PRDM16: variants seen among roughly 807,000 people sequenced by gnomAD.
PRDM16 encodes the protein PR/SET domain 16, also known as histone-lysine N-methyltransferase PRDM16.
Under a neutral mutation model 110.6 loss-of-function variants are expected in PRDM16, and 23 were observed. That is an observed-to-expected ratio of 0.21 (90% CI 0.15 to 0.29). The LOEUF (loss-of-function observed/expected upper bound fraction) is 0.29, where lower values mean the gene tolerates loss of function less well. PRDM16 is among the 10% of genes least tolerant of loss of function. PRDM16 has a pLI of 1.00. For synonymous variants in PRDM16, 799 were observed against 781.8 expected (o/e 1.02, Z -0.37); for missense variants, 1,615 against 1,794.3 (o/e 0.90, Z 1.81).
At chr1:3,147,642 G>C (rs1287882381) in intron 1 of PRDM16, among the ~76,000 whole-genome samples, 1 of 152,146 alleles carries the variant, frequency 6.6e-6, no homozygotes, top group Non-Finnish European at 1.5e-5. Context: ...GGCACATCTT[G>C]GTTCTGCGTC....
intron 6 of PRDM16, 112 bp from the exon 7 acceptor site, chr1:3,404,627 C>T: frequency 7.6e-7 from 1 of 1,313,014 alleles, no homozygotes. Context: ...GATCCCTCGG[C>T]AGCGTGGTGG....
At chr1:3,125,722 G>A (rs919517113) in intron 1 of PRDM16, among the ~76,000 whole-genome samples, 1 of 152,252 alleles carries the variant, frequency 6.6e-6, no homozygotes, top group Admixed American at 6.5e-5. Flanking sequence ...GGCAGGTTGG[G>A]CCATTTGTAA....
chr1:3,395,774 G>A (rs1643376562), intron 4 of PRDM16, among the ~76,000 whole-genome samples: 1 of 152,192 alleles, frequency 6.6e-6, no homozygotes, highest in South Asian at 2.1e-4. Context: ...AAGCTGCAGT[G>A]ACACAGCCCC....
intron 3 of PRDM16, among the ~76,000 whole-genome samples, chr1:3,383,635 G>A: frequency 6.6e-6 from 1 of 152,172 alleles, no homozygotes; most frequent in South Asian, 2.1e-4. Context: ...GAGAGTGCAT[G>A]CCCAGCATCT....
chr1:3,266,884 TCCAGG>T (rs1052967795), intron 3 of PRDM16, among the ~76,000 whole-genome samples: 3 of 152,098 alleles, frequency 2.0e-5, no homozygotes, highest in Non-Finnish European at 4.4e-5. Flanking sequence ...TGCCGTGTTG[TCCAGG>T]CTGCTCTCGA....
intron 2 of PRDM16, among the ~76,000 whole-genome samples, chr1:3,229,794 G>A (rs1639365868): frequency 6.6e-6 from 1 of 152,190 alleles, no homozygotes; most frequent in Admixed American, 6.5e-5. Flanking sequence ...TGGACAGCAG[G>A]CAGGAGCAGC....
At chr1:3,401,600 A>T (rs1384999714) in intron 5 of PRDM16, among the ~76,000 whole-genome samples, 1 of 152,126 alleles carries the variant, frequency 6.6e-6, no homozygotes, top group Non-Finnish European at 1.5e-5. Flanking sequence ...GCACACACAC[A>T]CAAACCAACA....
intron 5 of PRDM16, among the ~76,000 whole-genome samples, chr1:3,397,220 C>T (rs1036740875): frequency 1.3e-5 from 2 of 152,216 alleles, no homozygotes; most frequent in Non-Finnish European, 2.9e-5. Flanking sequence ...GGGTCTGAGG[C>T]GGGTCTCACA....
Position 3,243,090 on chromosome 1 carries a change from C to T in PRDM16, c.388-997C>T, listed in dbSNP as rs927511516. Among the ~76,000 whole-genome samples the T allele has an allele frequency of 1.3e-5, 2 of 152,150 alleles. No homozygotes were observed. Among genetic ancestry groups the T allele is most frequent in the Admixed American group, 6.5e-5 (1 of 15,280 alleles). On this transcript the variant is annotated intron_variant, in intron 2 of 16. Transcript: ENST00000270722. The surrounding 1 kb of genome is among the most constrained non-coding windows in gnomAD (Gnocchi z 5.5). The stretch of plus-strand genomic sequence containing the variant: ...GAGCCAAAGAACGTTCCGGCTGGAG[C>T]GACCTGGGAGGAAGAACGAGCCGAC...
chr1:3,316,986 G>T (rs1641622808), intron 3 of PRDM16, among the ~76,000 whole-genome samples: 1 of 152,148 alleles, frequency 6.6e-6, no homozygotes, highest in Admixed American at 6.5e-5. Context: ...TCACAGGGTG[G>T]CCAGGAAGCA....
At chr1:3,270,029 A>G (rs1289603410) in intron 3 of PRDM16, among the ~76,000 whole-genome samples, 6 of 146,798 alleles carry the variant, frequency 4.1e-5, no homozygotes, top group African/African-American at 1.0e-4. Flanking sequence ...GTCAGGGAGG[A>G]CTGTCCTGGA....
At chr1:3,314,199 C>A (rs919877703) in intron 3 of PRDM16, among the ~76,000 whole-genome samples, 1 of 151,750 alleles carries the variant, frequency 6.6e-6, no homozygotes, top group Non-Finnish European at 1.5e-5. Flanking sequence ...GGTTCTCCCA[C>A]GTGGTGGGGG....
At chr1:3,375,286 G>A (rs1215732288) in intron 3 of PRDM16, among the ~76,000 whole-genome samples, 3 of 152,204 alleles carry the variant, frequency 2.0e-5, no homozygotes, top group Non-Finnish European at 4.4e-5. Flanking sequence ...TCCACCCACC[G>A]GCTGCCGAGC....
intron 1 of PRDM16, among the ~76,000 whole-genome samples, chr1:3,181,098 GCA>G (rs1644157189): frequency 0.022 from 409 of 18,368 alleles, 8 homozygotes; most frequent in African/African-American, 0.031. Context: ...CCTTACACAC[GCA>G]GTCTTACACG....
chr1:3,131,865 C>T (rs939096811), intron 1 of PRDM16, among the ~76,000 whole-genome samples: 1 of 152,208 alleles, frequency 6.6e-6, no homozygotes, highest in East Asian at 1.9e-4. Flanking sequence ...CCTCCACTGC[C>T]TTCCTCCTCC....
At chr1:3,186,652 C>T (rs993969996) in intron 2 of PRDM16, 178 bp downstream of exon 2, 7 of 546,450 alleles carry the variant, frequency 1.3e-5, no homozygotes, top group African/African-American at 1.2e-4. Context: ...ACTCAGAAAG[C>T]ATCAGAGGTC....
intron 3 of PRDM16, among the ~76,000 whole-genome samples, chr1:3,338,060 C>G (rs1444663480): frequency 6.6e-6 from 1 of 152,232 alleles, no homozygotes; most frequent in Non-Finnish European, 1.5e-5. Context: ...CACATTCACA[C>G]AGACACGTGT....
chr1:3,420,232 C>A (rs529673342), intron 12 of PRDM16, among the ~76,000 whole-genome samples: 1 of 152,162 alleles, frequency 6.6e-6, no homozygotes, highest in Non-Finnish European at 1.5e-5. Flanking sequence ...AGGTCTGTGC[C>A]GAGGGGTTTG....
intron 3 of PRDM16, among the ~76,000 whole-genome samples, chr1:3,345,451 C>T (rs1306776356): frequency 6.6e-6 from 1 of 152,154 alleles, no homozygotes; most frequent in Non-Finnish European, 1.5e-5. Flanking sequence ...GTTCTGTGGC[C>T]TCATTCTGTC....
Sources: allele counts gnomAD v4.1 joint callset (sites outside exome capture counted in the v4.1 genomes callset), GRCh38; gene constraint gnomAD v4.1.1; non-coding constraint Gnocchi (gnomAD v3.1); transcripts MANE v1.5; gene names NCBI Gene and HGNC (gene_info 2026-07-23, HGNC 2026-07-21).